The following SHISA9 variants were observed in gnomAD, a reference collection of about 807,000 sequenced individuals.
SHISA9 encodes protein shisa-9.
A neutral mutation model predicts 38.0 loss-of-function variants in SHISA9; 13 were observed. The observed-to-expected ratio is 0.34, with a 90% CI of 0.22 to 0.54. SHISA9 has a LOEUF of 0.54. Among genes scored for constraint, SHISA9 ranks in the 20% least tolerant of loss-of-function variants. The probability of loss-of-function intolerance (pLI) is 0.91; values close to 1 mark genes in which losing one functional copy is unlikely to be tolerated. For missense variants in SHISA9, 538 were observed against 575.8 expected, an observed-to-expected ratio of 0.93 and a Z score of 0.67; for synonymous variants, 275 against 242.0, an observed-to-expected ratio of 1.14 and a Z score of -1.27.
chr16:13,197,446 C>T (rs896036169), intron 2 of SHISA9, among the ~76,000 whole-genome samples: 4 of 152,092 alleles, frequency 2.6e-5, no homozygotes, highest in Admixed American at 6.6e-5. Flanking sequence ...GAGTTGCATC[C>T]GTTTTATTTC....
chr16:13,369,618 G>A, the SHISA9 span, among the ~76,000 whole-genome samples: 8 of 151,946 alleles, frequency 5.3e-5, no homozygotes, highest in East Asian at 5.8e-4. Flanking sequence ...GCCGCTTCTC[G>A]GTGTCCACTG....
intron 3 of SHISA9, among the ~76,000 whole-genome samples, chr16:13,207,211 C>T (rs764775106): frequency 3.3e-5 from 5 of 152,100 alleles, no homozygotes; most frequent in African/African-American, 7.2e-5. Context: ...TTGCAGTGAG[C>T]GGAGATGGTG....
intron 2 of SHISA9, among the ~76,000 whole-genome samples, chr16:13,008,907 A>G (rs2072635436): frequency 6.6e-6 from 1 of 152,100 alleles, no homozygotes; most frequent in South Asian, 2.1e-4. Context: ...AGTGTAATAT[A>G]ATGAATATAA....
chr16:13,101,795 G>A (rs957860271), intron 2 of SHISA9, among the ~76,000 whole-genome samples: 7 of 152,058 alleles, frequency 4.6e-5, no homozygotes, highest in South Asian at 2.1e-4. Flanking sequence ...ACTTGCTATC[G>A]TTTGTCTTTT....
intron 2 of SHISA9, among the ~76,000 whole-genome samples, chr16:13,160,820 A>T (rs754832969): frequency 4.6e-5 from 7 of 152,168 alleles, no homozygotes; most frequent in Non-Finnish European, 7.3e-5. Context: ...AGAAGCGGTG[A>T]TGTTGCCCTG....
chr16:13,494,042 T>C, the SHISA9 span, among the ~76,000 whole-genome samples: 1 of 152,066 alleles, frequency 6.6e-6, no homozygotes, highest in African/African-American at 2.4e-5. Flanking sequence ...TGGATGTTTA[T>C]TGGAACCTGA....
intron 2 of SHISA9, among the ~76,000 whole-genome samples, chr16:13,194,226 T>A (rs1402715776): frequency 6.6e-6 from 1 of 151,954 alleles, no homozygotes; most frequent in East Asian, 1.9e-4. Context: ...AAAAAAAAAA[T>A]TAGAACAAAA....
the SHISA9 span, among the ~76,000 whole-genome samples, chr16:13,422,560 G>A: frequency 1.3e-5 from 2 of 152,162 alleles, no homozygotes; most frequent in Non-Finnish European, 2.9e-5. Flanking sequence ...GCTGGGCATG[G>A]TGGTGCATGC....
At chr16:13,365,051 G>T in the SHISA9 span, among the ~76,000 whole-genome samples, 2 of 152,174 alleles carry the variant, frequency 1.3e-5, no homozygotes, top group Admixed American at 6.5e-5. Context: ...TGGTGATGAT[G>T]ATAATAAAAG....
intron 2 of SHISA9, among the ~76,000 whole-genome samples, chr16:13,021,412 TAC>T (rs1345196891): frequency 6.6e-6 from 1 of 152,170 alleles, no homozygotes; most frequent in Non-Finnish European, 1.5e-5. Flanking sequence ...AGAGTGCATT[TAC>T]CACATAGAGA....
intron 2 of SHISA9, among the ~76,000 whole-genome samples, chr16:12,993,692 G>A (rs1216216476): frequency 6.6e-6 from 1 of 152,156 alleles, no homozygotes; most frequent in Non-Finnish European, 1.5e-5. Context: ...GATATTGTAA[G>A]TACCCACTTA....
chr16:13,102,539 A>C (rs11645353), intron 2 of SHISA9, among the ~76,000 whole-genome samples: 2 of 152,186 alleles, frequency 1.3e-5, no homozygotes, highest in African/African-American at 4.8e-5. Flanking sequence ...GTCCCATCTG[A>C]TGTCCTAATG....
chr16:13,482,704 G>A, the SHISA9 span, among the ~76,000 whole-genome samples: 1 of 151,800 alleles, frequency 6.6e-6, no homozygotes, highest in South Asian at 2.1e-4. Context: ...AGAAGGCTGA[G>A]GCAGGAGAAC....
the SHISA9 span, among the ~76,000 whole-genome samples, chr16:13,401,836 C>T: frequency 5.3e-5 from 8 of 152,178 alleles, no homozygotes; most frequent in Non-Finnish European, 7.3e-5. Context: ...CTCACCGTCC[C>T]GCATGGCTGG....
At chr16:13,156,221 A>G (rs1192167245) in intron 2 of SHISA9, among the ~76,000 whole-genome samples, 1 of 152,196 alleles carries the variant, frequency 6.6e-6, no homozygotes, top group Non-Finnish European at 1.5e-5. Context: ...AAAACCGTGT[A>G]CACGCAGCTC....
chr16:12,944,516 A>G (rs541331374), intron 2 of SHISA9, among the ~76,000 whole-genome samples: 9 of 152,280 alleles, frequency 5.9e-5, no homozygotes, highest in African/African-American at 2.2e-4. Flanking sequence ...GTTTGAACTA[A>G]AAGTCACTGG....
intron 2 of SHISA9, among the ~76,000 whole-genome samples, chr16:13,034,001 C>T (rs2073022968): frequency 6.6e-6 from 1 of 152,058 alleles, no homozygotes; most frequent in Non-Finnish European, 1.5e-5. Context: ...TGAAGATTAG[C>T]CAGGTGTGGT....
At chr16:13,050,839 A>T (rs1373158056) in intron 2 of SHISA9, among the ~76,000 whole-genome samples, 1 of 152,146 alleles carries the variant, frequency 6.6e-6, no homozygotes, top group Non-Finnish European at 1.5e-5. Flanking sequence ...TCTCCTAAAG[A>T]TTCATCAAGA....
At chr16:12,997,327 G>A (rs1019944027) in intron 2 of SHISA9, among the ~76,000 whole-genome samples, 7 of 150,946 alleles carry the variant, frequency 4.6e-5, no homozygotes, top group Non-Finnish European at 8.8e-5. Flanking sequence ...TTATTGCTGA[G>A]TAGTATTCCA....
Sources: gnomAD v4.1 joint callset for allele counts (sites outside exome capture counted in the v4.1 genomes callset) on GRCh38, gnomAD v4.1.1 for gene constraint, MANE v1.5 for transcripts, NCBI Gene and HGNC (gene_info 2026-07-23, HGNC 2026-07-21) for gene names.